Variants in TTC29 observed in about 807,000 individuals in gnomAD.
The protein encoded by TTC29 is tetratricopeptide repeat protein 29.
In TTC29, 49 loss-of-function variants were observed where a neutral mutation model predicts 58.1. The observed-to-expected ratio is 0.84, with a 90% CI of 0.67 to 1.07. The LOEUF is 1.07. TTC29 is among the 50% of genes least tolerant of loss of function. The pLI, the probability that TTC29 is intolerant of heterozygous loss-of-function variation, is 0.00. For missense variants in TTC29, 582 were observed against 555.6 expected (o/e 1.05, Z -0.48); for synonymous variants, 209 against 196.8 (o/e 1.06, Z -0.52).
intron 11 of TTC29, among the ~76,000 whole-genome samples, chr4:146,724,616 C>G (rs1192653569): frequency 6.6e-6 from 1 of 151,898 alleles, no homozygotes; most frequent in Non-Finnish European, 1.5e-5. Flanking sequence ...TGAGTTCAAG[C>G]AATACTCCTG....
chr4:146,903,401 T>A (rs1733287017), intron 6 of TTC29, 143 bp downstream of exon 6: 1 of 651,054 alleles, frequency 1.5e-6, no homozygotes, highest in African/African-American at 1.9e-5. Context: ...ACAAGTCACA[T>A]GGTTTTGCTT....
At chr4:146,802,044 G>C (rs1056337319) in intron 11 of TTC29, among the ~76,000 whole-genome samples, 30 of 140,898 alleles carry the variant, frequency 2.1e-4, no homozygotes, top group Non-Finnish European at 1.5e-5. Flanking sequence ...GGATGGCCTC[G>C]AATAGACATA....
In TTC29 at chr4:146,874,638, C is replaced by A. The variant is rs539595103; in HGVS notation, c.799+78G>T. On this transcript the variant is annotated intron_variant, in intron 7 of 12. Coordinates refer to ENST00000325106, the MANE Select transcript of TTC29 (RefSeq NM_031956.4). ...AGGAAATAATCACCCTAACACTTGA[C>A]GATTTTTACTTCACTCTTGGGAGAA... 4 of 1,172,894 alleles carry A rather than the reference C, an allele frequency of 3.4e-6. 1 individual carries two copies. Among genetic ancestry groups the A allele is most frequent in the South Asian group, 2.7e-5 (2 of 72,966 alleles). The allele number at this position is 1,172,894 out of a possible 1,614,324, so 72.7% of individuals were successfully genotyped here.
At chr4:146,850,469 A>C (rs1729447392) in intron 8 of TTC29, among the ~76,000 whole-genome samples, 1 of 152,192 alleles carries the variant, frequency 6.6e-6, no homozygotes, top group Non-Finnish European at 1.5e-5. Flanking sequence ...TTTTTGGTGC[A>C]ACCTGTCCTA....
At chr4:146,801,579 C>T (rs570899717) in intron 11 of TTC29, among the ~76,000 whole-genome samples, 147 of 151,874 alleles carry the variant, frequency 9.7e-4, no homozygotes, top group Non-Finnish European at 1.7e-3. Flanking sequence ...TTTTGATATG[C>T]TTTTGTTCTG....
At chr4:146,872,345 T>C (rs1046221255) in intron 7 of TTC29, among the ~76,000 whole-genome samples, 1 of 152,088 alleles carries the variant, frequency 6.6e-6, no homozygotes, top group African/African-American at 2.4e-5. Flanking sequence ...AGCCTTCTTA[T>C]TGATGATATC....
At chr4:146,873,716 C>T (rs896200952) in intron 7 of TTC29, among the ~76,000 whole-genome samples, 2 of 152,150 alleles carry the variant, frequency 1.3e-5, no homozygotes, top group Admixed American at 6.6e-5. Flanking sequence ...TAATGAGATA[C>T]ATCTTTCAGG....
At chr4:146,932,554 T>G (rs1161086171) in intron 4 of TTC29, among the ~76,000 whole-genome samples, 1 of 152,188 alleles carries the variant, frequency 6.6e-6, no homozygotes, top group Admixed American at 6.5e-5. Flanking sequence ...TCCATATGTT[T>G]GAGTGCCAGG....
chr4:146,833,997 T>C lies in TTC29; in HGVS notation c.886-100A>G, dbSNP rs534486432. The C allele has an allele frequency of 1.7e-5, 13 of 751,992 alleles. No individual in the cohort carries two copies. In the African/African-American group the frequency reaches 2.0e-4, roughly 11 times the overall value. 46.6% of individuals were successfully genotyped at this position (751,992 alleles called of 1,614,324 possible). A position where few individuals can be genotyped will look rare whatever the true frequency, so the allele number is the denominator to read the frequency against. The stretch of plus-strand genomic sequence containing the variant: ...AAATAAAATTAATAGTTGGTTTTAA[T>C]GTCTCTATAAAAAATTTTGTTGATT... On this transcript the variant is annotated intron_variant, in intron 8 of 12. Coordinates refer to ENST00000325106, the MANE Select transcript of TTC29 (RefSeq NM_031956.4).
intron 5 of TTC29, among the ~76,000 whole-genome samples, chr4:146,908,751 T>C (rs1733692611): frequency 6.6e-6 from 1 of 152,212 alleles, no homozygotes; most frequent in Non-Finnish European, 1.5e-5. Context: ...ATAGGAACTA[T>C]GTTAATTCAT....
At chr4:146,756,585 C>T (rs1160102129) in intron 11 of TTC29, among the ~76,000 whole-genome samples, 1 of 152,016 alleles carries the variant, frequency 6.6e-6, no homozygotes, top group Admixed American at 6.6e-5. Flanking sequence ...CAAACTAACC[C>T]AGGGAAGTTT....
intron 11 of TTC29, among the ~76,000 whole-genome samples, chr4:146,731,700 G>T (rs1744348773): frequency 6.6e-6 from 1 of 152,154 alleles, no homozygotes; most frequent in Admixed American, 6.6e-5. Context: ...GGGAAAATTG[G>T]TAAAATATTA....
intron 8 of TTC29, 107 bp from the exon 9 acceptor site, chr4:146,834,004 A>G (rs1728346332): frequency 8.6e-6 from 6 of 698,814 alleles, no homozygotes; most frequent in Non-Finnish European, 1.3e-5. Flanking sequence ...TAATGTCTCT[A>G]TAAAAAATTT....
chr4:146,857,088 A>T (rs1479562840), intron 8 of TTC29, among the ~76,000 whole-genome samples: 2 of 152,098 alleles, frequency 1.3e-5, no homozygotes, highest in Non-Finnish European at 2.9e-5. Flanking sequence ...TTATATAATA[A>T]TTCTGAATAA....
chr4:146,768,638 G>A (rs1747503748), intron 11 of TTC29, among the ~76,000 whole-genome samples: 1 of 151,790 alleles, frequency 6.6e-6, no homozygotes, highest in Non-Finnish European at 1.5e-5. Flanking sequence ...TAGAGCTGTT[G>A]TGCCTGAAAA....
At chr4:146,794,618 CGTTA>C (rs1749705427) in intron 11 of TTC29, among the ~76,000 whole-genome samples, 1 of 151,880 alleles carries the variant, frequency 6.6e-6, no homozygotes, top group Non-Finnish European at 1.5e-5. Flanking sequence ...CCCACTGATA[CGTTA>C]GTATTAGAAT....
intron 3 of TTC29, among the ~76,000 whole-genome samples, chr4:146,939,226 G>A (rs1280461660): frequency 3.3e-5 from 5 of 152,132 alleles, no homozygotes; most frequent in South Asian, 2.1e-4. Context: ...AGGCCAAGGC[G>A]GGTGAATCAC....
At chr4:146,723,885 C>A (rs1380344233) in intron 11 of TTC29, among the ~76,000 whole-genome samples, 1 of 152,166 alleles carries the variant, frequency 6.6e-6, no homozygotes, top group Non-Finnish European at 1.5e-5. Flanking sequence ...GGGTATATAT[C>A]TAAAAGAATA....
Position 146,937,648 on chromosome 4 carries a change from A to G in TTC29, c.122T>C (p.Ile41Thr), listed in dbSNP as rs1275853731. ...GAAATTTACCTCTAGATAATGATCT[A>G]TGTCATCTTTTTCTTTGATCAATTG... ...RSQLIKEKDD[I>T]DHYLEVNFKG... is the part of the protein sequence containing the mutation. The change falls in exon 4 of 13, where the codon ATA (isoleucine) becomes ACA (threonine). Residue 41 changes from isoleucine (I) to threonine (T), a missense_variant. Ile to Thr is a moderately conservative substitution (Grantham distance 89). Coordinates refer to ENST00000325106, the MANE Select transcript of TTC29 (RefSeq NM_031956.4). 1 of 1,538,006 alleles carries G rather than the reference A, an allele frequency of 6.5e-7. No individual in the cohort carries two copies.
Sources: gnomAD v4.1 joint callset for allele counts (sites outside exome capture counted in the v4.1 genomes callset) on GRCh38, gnomAD v4.1.1 for gene constraint, MANE v1.5 for transcripts, NCBI Gene and HGNC (gene_info 2026-07-23, HGNC 2026-07-21) for gene names.